Variants in MMEL1 observed in about 807,000 individuals in gnomAD.
MMEL1 encodes the protein membrane metalloendopeptidase like 1.
MMEL1 carries 98 observed loss-of-function variants against 117.1 expected under a neutral mutation model. That is an observed-to-expected ratio of 0.84 (90% confidence interval 0.71 to 0.99). MMEL1 has a LOEUF of 0.99. Among genes scored for constraint, MMEL1 ranks in the 50% least tolerant of loss-of-function variants. The probability of loss-of-function intolerance (pLI) is 0.00; values close to 1 mark genes in which losing one functional copy is unlikely to be tolerated. For missense variants in MMEL1, 1,014 were observed against 1,049.1 expected (o/e 0.97, Z 0.46); for synonymous variants, 390 against 415.1 (o/e 0.94, Z 0.74).
intron 12 of MMEL1, 137 bp downstream of exon 12, chr1:2,598,517 C>A: frequency 7.0e-7 from 1 of 1,421,242 alleles, no homozygotes. Flanking sequence ...GCCACTAAAG[C>A]TTAACCCCTC....
In MMEL1 at chr1:2,609,650, C is replaced by T. The variant is rs202238394; in HGVS notation, c.454+20G>A. The T allele has an allele frequency of 5.4e-5, 86 of 1,596,334 alleles. No individual in the cohort carries two copies. Among genetic ancestry groups the T allele is most frequent in the Middle Eastern group, 1.7e-4 (1 of 5,918 alleles). ...CCTGTTCGGCGTCACCCCACTGCAC[C>T]CCCGGCCGTGCTCTGCCACCTTTGA... On this transcript the variant is annotated intron_variant, in intron 5 of 23. Transcript: ENST00000378412.
chr1:2,631,703 C>T (rs1000320097), intron 1 of MMEL1, among the ~76,000 whole-genome samples: 5 of 152,176 alleles, frequency 3.3e-5, no homozygotes, highest in African/African-American at 9.7e-5. Context: ...TTGACGCCCT[C>T]TGCTGTGCCC....
At chr1:2,604,397 C>G in intron 9 of MMEL1, 116 bp from the exon 10 acceptor site, 1 of 1,381,672 alleles carries the variant, frequency 7.2e-7, no homozygotes, top group Non-Finnish European at 9.9e-7. Flanking sequence ...TGCGTGTCCA[C>G]CCACCTTGAC....
At chr1:2,622,508 G>GGT (rs1645305014) in intron 2 of MMEL1, among the ~76,000 whole-genome samples, 1 of 152,230 alleles carries the variant, frequency 6.6e-6, no homozygotes. Flanking sequence ...TGGAATTCAT[G>GGT]AGGATAGGGG....
intron 6 of MMEL1, among the ~76,000 whole-genome samples, chr1:2,608,763 C>T (rs1645073529): frequency 6.6e-6 from 1 of 152,052 alleles, no homozygotes; most frequent in Non-Finnish European, 1.5e-5. Context: ...CACATGTGCA[C>T]ACAATGCACA....
At position 2,593,841 on chromosome 1, in the gene MMEL1, C is replaced by T. The variant is rs567368508; in HGVS notation, c.1840G>A (p.Glu614Lys). ...FGGIGMVIGH[E>K]ITHGFDDNGR... ...TTGTCGTCAAAGCCGTGCGTGATCT[C>T]GTGCCCGATCACCATCCCAATGCCT... Residue 614 changes from glutamate (E) to lysine (K), a missense_variant, in exon 19 of 24, where the codon GAG becomes AAG. Coordinates refer to ENST00000378412, the MANE Select transcript of MMEL1 (RefSeq NM_033467.4). The T allele has an allele frequency of 7.4e-6, 12 of 1,611,760 alleles. No homozygotes were observed. The highest frequency in any genetic ancestry group is 2.7e-5 in the African/African-American group (2 of 74,978).
rs1430906870 is a variant in MMEL1, at chr1:2,595,831, G to A, written c.1500+178C>T. Among the ~76,000 whole-genome samples, 1 of 145,990 alleles carries A rather than the reference G, an allele frequency of 6.8e-6. No individual in the cohort carries two copies. Among genetic ancestry groups the A allele is most frequent in the Non-Finnish European group, 1.5e-5 (1 of 66,674 alleles). On this transcript the variant is annotated intron_variant, in intron 15 of 23. Transcript: ENST00000378412. The surrounding 1 kb of genome is among the most constrained non-coding windows in gnomAD (Gnocchi z 4.8). ...GGTCCTGTCTGCGCCTCCCGGGGCT[G>A]CCTTCTCCCCGTGGGGTCCTGTCTG...
Position 2,595,191 on chromosome 1 carries a change from G to C in MMEL1, c.1584+85C>G, listed in dbSNP as rs1644813778. The C allele has an allele frequency of 7.8e-7, 1 of 1,274,876 alleles. No homozygotes were observed. The highest frequency in any genetic ancestry group is 1.1e-6 in the Non-Finnish European group (1 of 894,082). 79.0% of individuals were successfully genotyped at this position (1,274,876 alleles called of 1,614,324 possible). A position where few individuals can be genotyped will look rare whatever the true frequency, so the allele number is the denominator to read the frequency against. ...TGTTAGCGCCTGGGAGGAGGGCACA[G>C]AGCTTGGCACAGAGGAGCCCCCAGG... On this transcript the variant is annotated intron_variant, in intron 16 of 23. Transcript: ENST00000378412. This position sits in a 1 kb window ranked among gnomAD's most constrained non-coding sequence, Gnocchi z 4.8.
At chr1:2,631,997 G>C (rs560062682) in intron 1 of MMEL1, among the ~76,000 whole-genome samples, 35 of 152,284 alleles carry the variant, frequency 2.3e-4, no homozygotes, top group African/African-American at 8.4e-4. Context: ...AGGAAGAGCC[G>C]GGCCTTGCCC....
chr1:2,626,412 T>TA (rs1483657545), intron 2 of MMEL1, among the ~76,000 whole-genome samples: 1 of 152,236 alleles, frequency 6.6e-6, no homozygotes, highest in Non-Finnish European at 1.5e-5. Context: ...TGGACTTCTG[T>TA]AAAAAGCCAG....
intron 2 of MMEL1, among the ~76,000 whole-genome samples, chr1:2,619,016 G>A (rs954066096): frequency 3.4e-4 from 52 of 152,280 alleles, no homozygotes; most frequent in African/African-American, 9.4e-4. Context: ...TTGACTGTGC[G>A]TGGCCCAAGT....
chr1:2,610,041 T>C (rs2100948205), intron 4 of MMEL1, among the ~76,000 whole-genome samples: 1 of 152,202 alleles, frequency 6.6e-6, no homozygotes, highest in South Asian at 2.1e-4. Context: ...TGCTAGGGTT[T>C]TCACTTATTT....
chr1:2,604,200 G>C lies in MMEL1; in HGVS notation c.898C>G (p.Leu300Val). 6.3e-7 allele frequency: 1 copy of C among 1,576,152 alleles called. No homozygotes were observed. The highest frequency in any genetic ancestry group is 1.1e-5 in the South Asian group (1 of 90,258). The change falls in exon 10 of 24, where the codon CTG (leucine) becomes GTG (valine). Residue 300 changes from leucine (L) to valine (V), a missense_variant. Physicochemically the swap from Leu to Val is conservative, Grantham distance 32 (BLOSUM62 1). Coordinates refer to ENST00000378412, the MANE Select transcript of MMEL1 (RefSeq NM_033467.4). ...ACCTGCACCATGTCCTCCTGCACCAGGCAGCTGTCCCTGGGCAGGTTTGCA... is the reference window on the plus strand; with the variant it reads ...ACCTGCACCATGTCCTCCTGCACCACGCAGCTGTCCCTGGGCAGGTTTGCA... ...EDANLPRDSC[L>V]VQEDMVQVLE...
At chr1:2,625,005 C>T (rs756065675) in intron 2 of MMEL1, among the ~76,000 whole-genome samples, 10 of 152,130 alleles carry the variant, frequency 6.6e-5, no homozygotes, top group African/African-American at 2.4e-4. Flanking sequence ...CTCACTATCA[C>T]GAGAACTGCA....
chr1:2,613,362 G>A (rs1050217100), intron 2 of MMEL1, among the ~76,000 whole-genome samples: 3 of 152,226 alleles, frequency 2.0e-5, no homozygotes, highest in African/African-American at 7.2e-5. Flanking sequence ...CTATGGACCA[G>A]AGACTGGACT....
intron 4 of MMEL1, among the ~76,000 whole-genome samples, chr1:2,610,192 C>T (rs1331370184): frequency 6.6e-6 from 1 of 152,130 alleles, no homozygotes; most frequent in Non-Finnish European, 1.5e-5. Context: ...AGATGTGTGT[C>T]TCCTCTCCCG....
chr1:2,619,235 T>A (rs2100958868), intron 2 of MMEL1, among the ~76,000 whole-genome samples: 1 of 152,340 alleles, frequency 6.6e-6, no homozygotes, highest in South Asian at 2.1e-4. Flanking sequence ...CTAGGTCAGA[T>A]GACCCCAGGC....
intron 2 of MMEL1, among the ~76,000 whole-genome samples, chr1:2,623,866 C>T (rs751597226): frequency 3.9e-5 from 6 of 152,172 alleles, no homozygotes; most frequent in African/African-American, 7.2e-5. Context: ...ACCCCTCTCA[C>T]GCCCAGGAAC....
chr1:2,604,180 C>T lies in MMEL1; in HGVS notation c.918G>A (p.Val306=), dbSNP rs374461727. 18 of 1,612,222 alleles carry T rather than the reference C, an allele frequency of 1.1e-5. No individual in the cohort carries two copies. The highest frequency in any genetic ancestry group is 1.4e-5 in the Non-Finnish European group (17 of 1,179,718). Residue 306 remains valine, a synonymous_variant, in exon 10 of 24, where the codon GTG becomes GTA. Coordinates refer to ENST00000378412, the MANE Select transcript of MMEL1 (RefSeq NM_033467.4). ...GCTGTGTCTCCAGCTCCAGCACCTG[C>T]ACCATGTCCTCCTGCACCAGGCAGC... ...RDSCLVQEDM[V]QVLELETQLA... is the part of the protein sequence containing the mutation.
Sources: gnomAD v4.1 joint callset for allele counts (sites outside exome capture counted in the v4.1 genomes callset) on GRCh38, gnomAD v4.1.1 for gene constraint, Gnocchi (gnomAD v3.1) non-coding constraint, MANE v1.5 for transcripts, NCBI Gene and HGNC (gene_info 2026-07-23, HGNC 2026-07-21) for gene names.